Variants in RELN observed in about 807,000 individuals in gnomAD.
The protein encoded by RELN is reelin.
RELN carries 108 observed loss-of-function variants against 427.6 expected under a neutral mutation model. That is an observed-to-expected ratio of 0.25 (90% CI 0.22 to 0.30). The LOEUF (loss-of-function observed/expected upper bound fraction) is 0.30. Among genes scored for constraint, RELN ranks in the 10% least tolerant of loss-of-function variants. The pLI, the probability that RELN is intolerant of heterozygous loss-of-function variation, is 1.00. For missense variants in RELN, 3,715 were observed against 4,302.8 expected (o/e 0.86, Z 3.82); for synonymous variants, 1,524 against 1,513.4 (o/e 1.01, Z -0.16).
chr7:103,486,518 A>C, intron 60 of RELN, 102 bp from the exon 61 acceptor site: 1 of 888,308 alleles, frequency 1.1e-6, no homozygotes, highest in Non-Finnish European at 1.8e-6. Flanking sequence ...TGTTACTGTA[A>C]GAATGGCAAA....
chr7:103,836,190 C>A (rs976277503), intron 2 of RELN, among the ~76,000 whole-genome samples: 4 of 152,044 alleles, frequency 2.6e-5, no homozygotes, highest in South Asian at 4.1e-4. Context: ...TGGTTTTGGA[C>A]CACAAGTGAT....
intron 3 of RELN, among the ~76,000 whole-genome samples, chr7:103,806,863 A>G (rs546073221): frequency 6.6e-6 from 1 of 152,272 alleles, no homozygotes; most frequent in East Asian, 1.9e-4. Flanking sequence ...TTCCTATCCT[A>G]ATATCCACAC....
chr7:103,682,183 C>T lies in RELN; in HGVS notation c.1222G>A (p.Asp408Asn), dbSNP rs745630506. 1 of 1,613,942 alleles carries T rather than the reference C, an allele frequency of 6.2e-7. No homozygotes were observed. Among genetic ancestry groups the T allele is most frequent in the African/African-American group, 1.3e-5 (1 of 75,038 alleles). ...GSEFNFATTRDVDLSTEDIQE... is the reference protein window; with the variant it reads ...GSEFNFATTRNVDLSTEDIQE... The stretch of plus-strand genomic sequence containing the variant: ...ATATCTTCTGTGGAAAGATCTACAT[C>T]CCTGGTGGTGGCAAAATTGAACTCG... Residue 408 changes from aspartate to asparagine, a missense_variant, in exon 11 of 65, where the codon GAT becomes AAT. Asp to Asn is a conservative substitution (Grantham distance 23). Coordinates refer to ENST00000428762, the MANE Select transcript of RELN (RefSeq NM_005045.4).
chr7:103,591,832 C>T (rs1831423550), intron 27 of RELN, among the ~76,000 whole-genome samples: 1 of 152,108 alleles, frequency 6.6e-6, no homozygotes, highest in African/African-American at 2.4e-5. Context: ...TAAAATTTAT[C>T]TTAAACTTTC....
intron 1 of RELN, among the ~76,000 whole-genome samples, chr7:103,986,663 T>C (rs879009360): frequency 4.2e-5 from 6 of 142,674 alleles, no homozygotes; most frequent in African/African-American, 7.6e-5. Flanking sequence ...GTCACAACTA[T>C]CAGCTCTACA....
intron 19 of RELN, among the ~76,000 whole-genome samples, chr7:103,634,357 T>G (rs1254170950): frequency 1.3e-5 from 2 of 152,206 alleles, no homozygotes; most frequent in Non-Finnish European, 2.9e-5. Flanking sequence ...CTTTAAACCT[T>G]AATTTTAAGC....
At chr7:103,514,719 A>G (rs1030544001) in intron 50 of RELN, among the ~76,000 whole-genome samples, 4 of 152,132 alleles carry the variant, frequency 2.6e-5, no homozygotes, top group African/African-American at 7.2e-5. Flanking sequence ...GAATACCCCT[A>G]TAGGGAATGA....
chr7:103,897,088 T>G (rs796922203), intron 2 of RELN, among the ~76,000 whole-genome samples: 2 of 151,958 alleles, frequency 1.3e-5, no homozygotes, highest in Non-Finnish European at 2.9e-5. Flanking sequence ...CTATTCACTA[T>G]CACAAGAACA....
chr7:103,727,390 A>G (rs561504113), intron 7 of RELN, among the ~76,000 whole-genome samples: 90 of 152,260 alleles, frequency 5.9e-4, no homozygotes, highest in African/African-American at 2.1e-3. Flanking sequence ...AATTGCTTTT[A>G]TATTATTTTC....
intron 2 of RELN, among the ~76,000 whole-genome samples, chr7:103,909,668 T>C (rs1173483253): frequency 1.2e-5 from 1 of 84,762 alleles, no homozygotes; most frequent in Non-Finnish European, 2.2e-5. Context: ...TATATAAATA[T>C]ATATTAAATA....
At chr7:103,545,071 T>C in intron 42 of RELN, 53 bp downstream of exon 42, 1 of 1,397,710 alleles carries the variant, frequency 7.2e-7, no homozygotes, top group Non-Finnish European at 1.0e-6. Flanking sequence ...AAAATTGTGT[T>C]TAACATATAA....
chr7:103,489,117 G>A (rs1265497802), intron 60 of RELN, among the ~76,000 whole-genome samples: 2 of 152,062 alleles, frequency 1.3e-5, no homozygotes, highest in African/African-American at 2.4e-5. Flanking sequence ...TGATGTGAAG[G>A]GTCGAGTAGA....
At chr7:103,974,540 C>T (rs528098401) in intron 1 of RELN, among the ~76,000 whole-genome samples, 127 of 152,278 alleles carry the variant, frequency 8.3e-4, no homozygotes, top group South Asian at 5.4e-3. Flanking sequence ...TCCTTGGAAA[C>T]ATTCATGTTA....
intron 1 of RELN, among the ~76,000 whole-genome samples, chr7:103,938,995 G>A (rs963289269): frequency 2.0e-5 from 3 of 150,944 alleles, no homozygotes; most frequent in Non-Finnish European, 2.9e-5. Context: ...CAGGCTGTAT[G>A]TAGTCCAATG....
At chr7:103,759,083 T>C (rs186229812) in intron 4 of RELN, among the ~76,000 whole-genome samples, 3 of 152,230 alleles carry the variant, frequency 2.0e-5, no homozygotes, top group Admixed American at 2.0e-4. Flanking sequence ...TCACTGTTTT[T>C]AGAAGGTACT....
At chr7:103,833,508 T>C (rs758803135) in intron 3 of RELN, 29 bp downstream of exon 3, 2 of 1,605,204 alleles carry the variant, frequency 1.2e-6, no homozygotes, top group Admixed American at 1.7e-5. Flanking sequence ...TTGCCTTCTG[T>C]ACGTATGGCA....
intron 8 of RELN, among the ~76,000 whole-genome samples, chr7:103,709,160 A>G (rs921037809): frequency 1.3e-5 from 2 of 151,998 alleles, no homozygotes; most frequent in Admixed American, 6.6e-5. Context: ...TGTAGTATCT[A>G]TTTTCAGCAG....
chr7:103,980,103 TGACGGAA>T (rs1796960408), intron 1 of RELN, among the ~76,000 whole-genome samples: 1 of 150,992 alleles, frequency 6.6e-6, no homozygotes. Flanking sequence ...GAGGTTTCGT[TGACGGAA>T]GATCATGCCA....
intron 6 of RELN, among the ~76,000 whole-genome samples, chr7:103,741,781 C>A (rs145563918): frequency 7.0e-6 from 1 of 143,112 alleles, no homozygotes; most frequent in African/African-American, 2.9e-5. Flanking sequence ...AACTGTAATA[C>A]AATGCTGCAA....
Sources: allele counts gnomAD v4.1 joint callset (sites outside exome capture counted in the v4.1 genomes callset), GRCh38; gene constraint gnomAD v4.1.1; transcripts MANE v1.5; gene names NCBI Gene and HGNC (gene_info 2026-07-23, HGNC 2026-07-21).